The following EIPR1 variants were observed in gnomAD, a reference collection of about 807,000 sequenced individuals.
EIPR1 encodes the protein EARP and GARP complex-interacting protein 1.
In EIPR1, 25 loss-of-function variants were observed where a neutral mutation model predicts 48.1. That is an observed-to-expected ratio of 0.52 (90% CI 0.38 to 0.73). The LOEUF is 0.73. Among genes scored for constraint, EIPR1 ranks in the 30% least tolerant of loss-of-function variants. The probability of loss-of-function intolerance (pLI) is 0.00; values close to 1 mark genes in which losing one functional copy is unlikely to be tolerated. For missense variants in EIPR1, 415 were observed against 506.2 expected (o/e 0.82, Z 1.73); for synonymous variants, 204 against 201.9 (o/e 1.01, Z -0.09).
At chr2:3,305,447 G>T (rs1668911477) in intron 3 of EIPR1, among the ~76,000 whole-genome samples, 1 of 137,010 alleles carries the variant, frequency 7.3e-6, no homozygotes, top group Admixed American at 7.4e-5. Context: ...GTCCTGTTCA[G>T]CCCTCCAATC....
chr2:3,223,173 TTC>T (rs762212022), intron 4 of EIPR1, among the ~76,000 whole-genome samples: 4 of 152,204 alleles, frequency 2.6e-5, no homozygotes, highest in Non-Finnish European at 5.9e-5. Flanking sequence ...TGTGGCCTAC[TTC>T]CTATCACTTG....
chr2:3,277,835 T>C (rs1032692026), intron 3 of EIPR1, among the ~76,000 whole-genome samples: 1 of 152,090 alleles, frequency 6.6e-6, no homozygotes. Flanking sequence ...GAGGTGAGCA[T>C]GGAAAGGAGC....
chr2:3,320,425 A>G (rs62121548), intron 3 of EIPR1: 27,829 of 154,278 alleles, frequency 0.18, 2,639 homozygotes, highest in Non-Finnish European at 0.21. Flanking sequence ...GGTCCTGCAT[A>G]CAAAGTCCCA....
rs369361468 is a variant in EIPR1, at chr2:3,214,244, C to T, written c.421G>A (p.Val141Met). ...NTAHGNMACVVWEPMGDGKKI... is the reference protein window; with the variant it reads ...NTAHGNMACVMWEPMGDGKKI... ...TTCCCATCTCCCATTGGCTCCCACA[C>T]GACACTAAGAGAAAGAGAAGTACCA... Residue 141 changes from valine to methionine, a missense_variant, in exon 5 of 9, where the codon GTG becomes ATG. Physicochemically the swap from Val to Met is conservative, Grantham distance 21. Transcript: ENST00000382125. 115 of 1,612,962 alleles carry T rather than the reference C, an allele frequency of 7.1e-5. No individual in the cohort carries two copies. Among genetic ancestry groups the T allele is most frequent in the Middle Eastern group, 6.6e-4 (4 of 6,078 alleles).
chr2:3,297,997 T>A (rs2103288918), intron 3 of EIPR1, among the ~76,000 whole-genome samples: 1 of 152,350 alleles, frequency 6.6e-6, no homozygotes, highest in East Asian at 1.9e-4. Context: ...CAACAAATAC[T>A]TTCTCAGTGC....
intron 3 of EIPR1, among the ~76,000 whole-genome samples, chr2:3,337,434 T>C (rs1007250304): frequency 1.3e-5 from 2 of 152,170 alleles, no homozygotes; most frequent in Non-Finnish European, 1.5e-5. Flanking sequence ...TATTTCTCCA[T>C]AGAGCCAGAA....
chr2:3,305,938 ACGCCAATTCTAT>A (rs144445582), intron 3 of EIPR1, among the ~76,000 whole-genome samples: 14,909 of 152,210 alleles, frequency 0.098, 736 homozygotes, highest in African/African-American at 0.11. Flanking sequence ...TACCATCATC[ACGCCAATTCTAT>A]GACCTGAAAA....
chr2:3,287,227 ACCACAATCCAGAAAGCTC>A, intron 3 of EIPR1, among the ~76,000 whole-genome samples: 1 of 75,070 alleles, frequency 1.3e-5, no homozygotes, highest in Non-Finnish European at 3.1e-5. Context: ...AAGCTCGTTC[ACCACAATCCAGAAAGCTC>A]GTTCACCACA....
Position 3,341,517 on chromosome 2 carries a change from C to T in EIPR1, c.127-3368G>A, listed in dbSNP as rs116747145. Among the ~76,000 whole-genome samples the T allele has an allele frequency of 5.3e-3, 791 of 150,220 alleles. 5 individuals carry two copies. The highest frequency in any genetic ancestry group is 0.021 in the Middle Eastern group (6 of 292). ...TACGTGGTCTATGCATGTATGTGTG[C>T]GGGTGTGGGTGTGGGGGAGGTGCAG... is the stretch of plus-strand genomic sequence containing the variant. On this transcript the variant is annotated intron_variant, in intron 2 of 8. Transcript: ENST00000382125.
At chr2:3,370,978 C>T (rs1671100440) in intron 1 of EIPR1, among the ~76,000 whole-genome samples, 2 of 152,182 alleles carry the variant, frequency 1.3e-5, no homozygotes, top group Non-Finnish European at 2.9e-5. Context: ...ATGTTAAGCG[C>T]AGCCAGAGAG....
chr2:3,236,178 G>A (rs898659843), intron 4 of EIPR1, among the ~76,000 whole-genome samples: 8 of 152,148 alleles, frequency 5.3e-5, no homozygotes, highest in Non-Finnish European at 1.0e-4. Flanking sequence ...ATCGCCGTAC[G>A]TGTACTGTAT....
At chr2:3,349,486 A>G (rs1206637952) in intron 2 of EIPR1, among the ~76,000 whole-genome samples, 2 of 152,256 alleles carry the variant, frequency 1.3e-5, no homozygotes, top group African/African-American at 4.8e-5. Context: ...GGCAAACAGC[A>G]GCCAAAGAAC....
chr2:3,363,304 CG>C, intron 1 of EIPR1, among the ~76,000 whole-genome samples: 1 of 151,778 alleles, frequency 6.6e-6, no homozygotes, highest in East Asian at 1.9e-4. Context: ...AAACACAAAC[CG>C]GGAAGTATTG....
intron 3 of EIPR1, among the ~76,000 whole-genome samples, chr2:3,292,681 G>A (rs1435626776): frequency 2.6e-5 from 4 of 152,154 alleles, no homozygotes; most frequent in South Asian, 4.1e-4. Context: ...TCCAAGGCAC[G>A]CAGCCTCATG....
Position 3,210,330 on chromosome 2 carries a change from G to A in EIPR1, c.516+3819C>T, listed in dbSNP as rs189328664. On this transcript the variant is annotated intron_variant, in intron 5 of 8. Transcript: ENST00000382125. ...CGAAGGGAACAACTCCTCATTCAGG[G>A]TGAACGCATCTCCCACCCACATCTG... 2.8e-3 allele frequency among the ~76,000 whole-genome samples: 428 copies of A among 152,276 alleles called. 1 individual carries two copies. Among genetic ancestry groups the A allele is most frequent in the African/African-American group, 9.9e-3 (410 of 41,540 alleles).
intron 3 of EIPR1, among the ~76,000 whole-genome samples, chr2:3,281,013 C>G (rs951898252): frequency 1.3e-4 from 20 of 152,112 alleles, no homozygotes; most frequent in African/African-American, 4.8e-4. Context: ...GGTGCTGTCT[C>G]CTACGTGGTC....
chr2:3,332,624 A>T (rs1669934614), intron 3 of EIPR1, among the ~76,000 whole-genome samples: 1 of 152,226 alleles, frequency 6.6e-6, no homozygotes, highest in Non-Finnish European at 1.5e-5. Context: ...AAGTATGTAC[A>T]GTCCTGTCGA....
At chr2:3,283,559 C>T (rs920591123) in intron 3 of EIPR1, among the ~76,000 whole-genome samples, 3 of 152,234 alleles carry the variant, frequency 2.0e-5, no homozygotes, top group African/African-American at 7.2e-5. Context: ...CTGGCCAAAA[C>T]TCGCCATGCC....
At chr2:3,371,525 G>A (rs2103393706) in intron 1 of EIPR1, among the ~76,000 whole-genome samples, 1 of 152,212 alleles carries the variant, frequency 6.6e-6, no homozygotes, top group Admixed American at 6.5e-5. Context: ...CAAAATAAAA[G>A]GATGGAGGAA....
Sources: gnomAD v4.1 joint callset for allele counts (sites outside exome capture counted in the v4.1 genomes callset) on GRCh38, gnomAD v4.1.1 for gene constraint, MANE v1.5 for transcripts, NCBI Gene and HGNC (gene_info 2026-07-23, HGNC 2026-07-21) for gene names.